Variants in STS observed in about 807,000 individuals in gnomAD.
STS encodes steroid sulfatase, also known as steryl-sulfatase.
In STS, 7 loss-of-function variants were observed where a neutral mutation model predicts 26.8. The ratio of observed to expected loss-of-function variants is 0.26; its 90% CI spans 0.15 to 0.49. The LOEUF (loss-of-function observed/expected upper bound fraction) is 0.49. Among genes scored for constraint, STS ranks in the 20% least tolerant of loss-of-function variants. STS has a pLI of 0.98. For synonymous variants in STS, 199 were observed against 189.4 expected, an observed-to-expected ratio of 1.05 and a Z score of -0.42; for missense variants, 434 against 465.6, an observed-to-expected ratio of 0.93 and a Z score of 0.63.
chrX:7,311,222 C>G (rs1326263633), intron 8 of STS, among the ~76,000 whole-genome samples: 1 of 110,029 alleles, frequency 9.1e-6, no homozygotes, highest in African/African-American at 3.3e-5. Flanking sequence ...GGTGGTCTCC[C>G]TAATTCTTTG....
chrX:7,336,252 G>A (rs866414154), intron 10 of STS, among the ~76,000 whole-genome samples: 12 of 52,207 alleles, frequency 2.3e-4, no homozygotes, highest in Admixed American at 2.2e-4. Context: ...CCCCCCACCC[G>A]CCCCAAAGGA....
In STS at chrX:7,166,044, G is replaced by A. The variant is rs940924189; in HGVS notation, c.-134+17961G>A. ...TTTAATTGAGACAGGGTCTTGCTCT[G>A]TCATCCAGGCTGTAGTGCAGTGGCG... On this transcript the variant is annotated intron_variant, in intron 1 of 10. Transcript: ENST00000674429. 8.5e-5 allele frequency among the ~76,000 whole-genome samples: 8 copies of A among 94,142 alleles called. No homozygotes were observed. The Admixed American group carries it at 1.0e-3, about 12-fold the overall frequency. 81.8% of individuals were successfully genotyped at this position (94,142 alleles called of 115,157 possible).
At chrX:7,188,280 A>G (rs781112334) in intron 1 of STS, among the ~76,000 whole-genome samples, 50 of 111,190 alleles carry the variant, frequency 4.5e-4, no homozygotes, top group African/African-American at 1.6e-3. Context: ...AAACCTTGGC[A>G]CTGTTGACAC....
In STS at chrX:7,257,464, A is replaced by G. The variant is rs1284216497; in HGVS notation, c.260-2A>G. 8.2e-7 allele frequency: 1 copy of G among 1,212,274 alleles called. No homozygotes were observed. Among genetic ancestry groups the G allele is most frequent in the Non-Finnish European group, 1.1e-6 (1 of 895,529 alleles). On this transcript the variant is annotated splice_acceptor_variant, in intron 4 of 10. Transcript: ENST00000674429. LOFTEE classifies it high-confidence loss of function. ...CTAAGGGTTGATTTTTTCCTGGTCC[A>G]GGAATGGCATCTTGGTCCCGCACTG...
chrX:7,227,828 C>G lies in STS; in HGVS notation c.-4-25368C>G, dbSNP rs753294874. ...CTGCAGGTCTCTGGACTTAATCCAT[C>G]TTGCTTACCTAAAGTTTTATGCCTG... On this transcript the variant is annotated intron_variant, in intron 2 of 10. Coordinates refer to ENST00000674429, the MANE Select transcript of STS (RefSeq NM_001320752.2). 5.4e-5 allele frequency among the ~76,000 whole-genome samples: 6 copies of G among 111,832 alleles called. 1 individual carries two copies. The South Asian group carries it at 2.2e-3, about 42-fold the overall frequency.
intron 2 of STS, among the ~76,000 whole-genome samples, chrX:7,226,999 T>G (rs1481605078): frequency 2.2e-4 from 25 of 112,324 alleles, no homozygotes; most frequent in Admixed American, 2.2e-3. Context: ...CCGTAGGGGT[T>G]GTAAAATGCT....
intron 2 of STS, among the ~76,000 whole-genome samples, chrX:7,200,413 G>C (rs1372556186): frequency 1.8e-5 from 2 of 111,332 alleles, no homozygotes; most frequent in African/African-American, 6.5e-5. Flanking sequence ...GGAAAAACAT[G>C]CTTCAGCTTT....
Position 7,352,823 on chromosome X carries a change from G to C in STS, c.*2562G>C, listed in dbSNP as rs1468257549. 1 of 110,598 alleles carries C rather than the reference G, an allele frequency of 9.0e-6. No homozygotes were observed. The highest frequency in any genetic ancestry group is 1.9e-5 in the Non-Finnish European group (1 of 52,986). The allele number at this position is 110,598 out of a possible 1,213,427, so 9.1% of individuals were successfully genotyped here. On this transcript the variant is annotated 3_prime_UTR_variant, in exon 11 of 11. Coordinates refer to ENST00000674429, the MANE Select transcript of STS (RefSeq NM_001320752.2). ...GGCATCATTTCACAAGGTCAGTAAT[G>C]CTGCAGGAAAAGCAAAATTGCAATC...
At chrX:7,253,052 G>C (rs946538235) in intron 2 of STS, 144 bp from the exon 3 acceptor site, 1 of 646,984 alleles carries the variant, frequency 1.5e-6, no homozygotes. Flanking sequence ...TTGGGAGGCT[G>C]AGACAGGAGG....
intron 10 of STS, among the ~76,000 whole-genome samples, chrX:7,339,675 G>T (rs1928192200): frequency 9.0e-6 from 1 of 111,534 alleles, no homozygotes; most frequent in South Asian, 3.7e-4. Context: ...GGTTAGAAAA[G>T]ATTTCATAGA....
chrX:7,192,081 C>A (rs1346219639), intron 2 of STS, among the ~76,000 whole-genome samples: 1 of 112,010 alleles, frequency 8.9e-6, no homozygotes, highest in Non-Finnish European at 1.9e-5. Flanking sequence ...TTATGGTCCC[C>A]CATAGCAGCT....
At chrX:7,332,573 C>T (rs1416058692) in intron 9 of STS, among the ~76,000 whole-genome samples, 1 of 111,054 alleles carries the variant, frequency 9.0e-6, no homozygotes, top group African/African-American at 3.3e-5. Flanking sequence ...TCCCTCGTCT[C>T]TCCCCTTCAG....
intron 2 of STS, among the ~76,000 whole-genome samples, chrX:7,192,913 C>T (rs1235727749): frequency 8.9e-6 from 1 of 112,319 alleles, no homozygotes; most frequent in East Asian, 2.8e-4. Context: ...CTCACAAATC[C>T]GAAATGTCGT....
intron 2 of STS, among the ~76,000 whole-genome samples, chrX:7,221,786 A>G (rs1319007297): frequency 5.3e-5 from 6 of 112,433 alleles, no homozygotes; most frequent in African/African-American, 1.9e-4. Flanking sequence ...GTGCGCCTCT[A>G]GGCAGTAAAT....
intron 1 of STS, among the ~76,000 whole-genome samples, chrX:7,151,920 G>A (rs576334348): frequency 9.0e-6 from 1 of 111,587 alleles, no homozygotes; most frequent in South Asian, 3.8e-4. Flanking sequence ...TGTGGGGAGG[G>A]GGCTTAGGAT....
At chrX:7,150,568 C>T (rs919993870) in intron 1 of STS, among the ~76,000 whole-genome samples, 2 of 112,081 alleles carry the variant, frequency 1.8e-5, no homozygotes, top group East Asian at 2.8e-4. Flanking sequence ...GCCATTTTGA[C>T]GAAATGGCAA....
intron 9 of STS, among the ~76,000 whole-genome samples, chrX:7,327,301 T>G (rs1334119809): frequency 9.0e-6 from 1 of 110,871 alleles, no homozygotes; most frequent in African/African-American, 3.3e-5. Flanking sequence ...GGATCACGCT[T>G]TGAGACTAGT....
At chrX:7,291,035 A>G (rs964801298) in intron 7 of STS, among the ~76,000 whole-genome samples, 1 of 111,460 alleles carries the variant, frequency 9.0e-6, no homozygotes, top group African/African-American at 3.3e-5. Context: ...TTAGGGCACA[A>G]TTTCGTGTGT....
At chrX:7,320,087 T>A (rs1328517998) in intron 8 of STS, among the ~76,000 whole-genome samples, 1 of 94,350 alleles carries the variant, frequency 1.1e-5, no homozygotes, top group East Asian at 3.0e-4. Context: ...TTATATATAG[T>A]TATATATATT....
Sources: allele counts gnomAD v4.1 joint callset (sites outside exome capture counted in the v4.1 genomes callset), GRCh38; gene constraint gnomAD v4.1.1; transcripts MANE v1.5; gene names NCBI Gene and HGNC (gene_info 2026-07-23, HGNC 2026-07-21).